UBE4B: variants seen among roughly 807,000 people sequenced by gnomAD.
UBE4B encodes the protein ubiquitination factor E4B, also known as ubiquitin conjugation factor E4 B.
UBE4B carries 27 observed loss-of-function variants against 148.1 expected under a neutral mutation model. The ratio of observed to expected loss-of-function variants is 0.18; its 90% CI spans 0.13 to 0.25. UBE4B has a LOEUF of 0.25. Among genes scored for constraint, UBE4B ranks in the 10% least tolerant of loss-of-function variants. UBE4B has a pLI of 1.00. For missense variants in UBE4B, 1,170 were observed against 1,662.4 expected (o/e 0.70, Z 5.15); for synonymous variants, 596 against 619.3 (o/e 0.96, Z 0.56).
At chr1:10,090,117 G>GT (rs1356537851) in intron 2 of UBE4B, among the ~76,000 whole-genome samples, 2 of 132,918 alleles carry the variant, frequency 1.5e-5, no homozygotes, top group Non-Finnish European at 3.0e-5. Context: ...GGCAGCCTGT[G>GT]TGTGTGTGTG....
chr1:10,134,286 G>A (rs776191078), intron 15 of UBE4B, among the ~76,000 whole-genome samples: 1 of 152,032 alleles, frequency 6.6e-6, no homozygotes, highest in Non-Finnish European at 1.5e-5. Flanking sequence ...CGAGACGGGC[G>A]TATCACCTGA....
rs570361621 is a variant in UBE4B at position 10,102,940 on chromosome 1, T to C, written c.436-8T>C. 6.9e-6 allele frequency: 11 copies of C among 1,599,006 alleles called. No individual in the cohort carries two copies. In the African/African-American group the frequency reaches 1.2e-4, roughly 18 times the overall value. On this transcript the variant is annotated splice_region_variant and splice_polypyrimidine_tract_variant and intron_variant, in intron 4 of 27. Coordinates refer to ENST00000343090, the MANE Select transcript of UBE4B (RefSeq NM_001105562.3). The stretch of plus-strand genomic sequence containing the variant: ...TGAAATTAACCTGCAAATCTTCTTC[T>C]TCACCAGGAGCCTTCCTCGGGCCCT...
At chr1:10,147,196 G>T (rs1226805407) in intron 19 of UBE4B, 106 bp downstream of exon 19, 3 of 1,539,460 alleles carry the variant, frequency 1.9e-6, no homozygotes, top group African/African-American at 1.4e-5. Flanking sequence ...TCTTTATCAA[G>T]AATTCACTTC....
intron 21 of UBE4B, among the ~76,000 whole-genome samples, chr1:10,155,092 T>A (rs61782931): frequency 7.3e-6 from 1 of 136,294 alleles, no homozygotes; most frequent in Admixed American, 6.9e-5. Context: ...AGAGTGTGTG[T>A]GTGTGTGTGT....
At chr1:10,146,888 C>G (rs1645881698) in intron 18 of UBE4B, 75 bp from the exon 19 acceptor site, 1 of 1,557,926 alleles carries the variant, frequency 6.4e-7, no homozygotes, top group East Asian at 2.3e-5. Context: ...CTCCTGGCCC[C>G]AGTCCCTGCC....
chr1:10,126,631 C>T (rs960470753), intron 10 of UBE4B, among the ~76,000 whole-genome samples, 163 bp from the exon 11 acceptor site: 1 of 152,160 alleles, frequency 6.6e-6, no homozygotes, highest in African/African-American at 2.4e-5. Context: ...TGTCAAAGAA[C>T]AGGTCAACAC....
At chr1:10,084,208 A>C (rs184567055) in intron 2 of UBE4B, among the ~76,000 whole-genome samples, 210 of 152,308 alleles carry the variant, frequency 1.4e-3, no homozygotes, top group African/African-American at 4.9e-3. Flanking sequence ...ACAGGGGCAA[A>C]TACTGTGTGT....
intron 25 of UBE4B, among the ~76,000 whole-genome samples, chr1:10,177,780 A>G (rs1400011666): frequency 6.6e-6 from 1 of 152,138 alleles, no homozygotes; most frequent in East Asian, 1.9e-4. Context: ...TTTGCCATAT[A>G]TGTTTTACTA....
At chr1:10,178,030 T>A (rs930762069) in intron 25 of UBE4B, among the ~76,000 whole-genome samples, 1 of 152,044 alleles carries the variant, frequency 6.6e-6, no homozygotes, top group Non-Finnish European at 1.5e-5. Flanking sequence ...CCTGGGGACA[T>A]AAATCGTGTC....
chr1:10,033,077 A>C lies in UBE4B; in HGVS notation c.-594A>C, dbSNP rs553816887. 1 of 152,562 alleles carries C rather than the reference A, an allele frequency of 6.6e-6. No homozygotes were observed. Among genetic ancestry groups the C allele is most frequent in the Non-Finnish European group, 1.5e-5 (1 of 68,272 alleles). The allele number at this position is 152,562 out of a possible 1,614,324, so 9.5% of individuals were successfully genotyped here. On this transcript the variant is annotated 5_prime_UTR_variant, in exon 1 of 28. Transcript: ENST00000343090. The stretch of plus-strand genomic sequence containing the variant: ...TTCCAGCGAGAGCTACGCGCATCCC[A>C]TCCTCCCCCTCCCCCCTACCCGGGC...
intron 15 of UBE4B, among the ~76,000 whole-genome samples, chr1:10,132,982 G>A (rs758247755): frequency 1.3e-5 from 2 of 152,100 alleles, no homozygotes; most frequent in African/African-American, 2.4e-5. Flanking sequence ...TTAGGTTTAC[G>A]TGATCAGAAC....
At chr1:10,089,515 A>T (rs908454985) in intron 2 of UBE4B, among the ~76,000 whole-genome samples, 1 of 152,022 alleles carries the variant, frequency 6.6e-6, no homozygotes, top group Non-Finnish European at 1.5e-5. Flanking sequence ...AAAAAAAAAA[A>T]AAGTTTTCAG....
chr1:10,074,494 C>T (rs879271464), intron 2 of UBE4B, among the ~76,000 whole-genome samples: 1 of 152,148 alleles, frequency 6.6e-6, no homozygotes, highest in Admixed American at 6.5e-5. Context: ...GAATGAGTTG[C>T]CTGTCCTCTC....
chr1:10,054,538 T>C (rs1030330175), intron 1 of UBE4B: 1 of 335,474 alleles, frequency 3.0e-6, no homozygotes, highest in Non-Finnish European at 5.7e-6. Flanking sequence ...TCTTTGGCTT[T>C]CTTCTTTTTC....
At chr1:10,055,602 C>G (rs1644150576) in intron 1 of UBE4B, among the ~76,000 whole-genome samples, 1 of 152,128 alleles carries the variant, frequency 6.6e-6, no homozygotes, top group Non-Finnish European at 1.5e-5. Context: ...TTACCAGAAT[C>G]AGTTTTATGG....
chr1:10,171,182 G>A lies in UBE4B; in HGVS notation c.3378G>A (p.Gln1126=), dbSNP rs1426034810. 2 of 1,614,166 alleles carry A rather than the reference G, an allele frequency of 1.2e-6. No homozygotes were observed. The highest frequency in any genetic ancestry group is 1.7e-6 in the Non-Finnish European group (2 of 1,180,024). Reference sequence around the variant, plus strand: ...CTGCAATGCTGAACTTTAATCTTCAGCAACTTTGTGGCCCCAAGTGCCGTG... The same window carrying A: ...CTGCAATGCTGAACTTTAATCTTCAACAACTTTGTGGCCCCAAGTGCCGTG... The part of the protein sequence containing the change: ...RLAAMLNFNL[Q]QLCGPKCRDL... The change falls in exon 25 of 28, where the codon CAG becomes CAA. Residue 1126 remains glutamine, a synonymous_variant. Coordinates refer to ENST00000343090, the MANE Select transcript of UBE4B (RefSeq NM_001105562.3).
chr1:10,099,633 T>C (rs1411064959), intron 3 of UBE4B, among the ~76,000 whole-genome samples: 3 of 152,128 alleles, frequency 2.0e-5, no homozygotes, highest in Non-Finnish European at 4.4e-5. Context: ...CCTAAGTATG[T>C]GTAGAAGAGG....
At chr1:10,158,549 A>G in intron 22 of UBE4B, 67 bp downstream of exon 22, 2 of 1,573,262 alleles carry the variant, frequency 1.3e-6, no homozygotes, top group East Asian at 2.2e-5. Context: ...TGCAGCTTAA[A>G]AGCATGCACA....
chr1:10,179,535 A>G lies in UBE4B; in HGVS notation c.3820A>G (p.Thr1274Ala). The G allele has an allele frequency of 6.2e-7, 1 of 1,613,746 alleles. No homozygotes were observed. Among genetic ancestry groups the G allele is most frequent in the South Asian group, 1.1e-5 (1 of 91,082 alleles). ...NSPTDPFNRQ[T>A]LTESMLEPVP... ...CCCCACGGACCCCTTCAACCGGCAG[A>G]CGCTGACAGAGAGCATGCTGGAACC... The change falls in exon 27 of 28, where the codon ACG becomes GCG. Residue 1274 changes from threonine (T) to alanine (A), a missense_variant. Physicochemically the swap from Thr to Ala is moderately conservative, Grantham distance 58 (BLOSUM62 0). Transcript: ENST00000343090.
Sources: gnomAD v4.1 joint callset for allele counts (sites outside exome capture counted in the v4.1 genomes callset) on GRCh38, gnomAD v4.1.1 for gene constraint, MANE v1.5 for transcripts, NCBI Gene and HGNC (gene_info 2026-07-23, HGNC 2026-07-21) for gene names.